Variants in CENPP observed in about 807,000 individuals in gnomAD.
CENPP encodes the protein centromere protein P.
Under a neutral mutation model 35.6 loss-of-function variants are expected in CENPP, and 24 were observed. The observed-to-expected ratio is 0.67, with a 90% CI of 0.49 to 0.95. The LOEUF is 0.95. Ranked by LOEUF, CENPP falls within the 40% of genes least tolerant of loss-of-function variation. CENPP has a pLI of 0.00. For missense variants in CENPP, 332 were observed against 345.3 expected (o/e 0.96, Z 0.31); for synonymous variants, 120 against 125.5 (o/e 0.96, Z 0.29).
intron 5 of CENPP, among the ~76,000 whole-genome samples, chr9:92,392,390 G>A (rs796494765): frequency 5.3e-5 from 8 of 152,224 alleles, no homozygotes; most frequent in African/African-American, 1.9e-4. Flanking sequence ...TTGGGAGGCC[G>A]AGGCGGGCGG....
intron 5 of CENPP, among the ~76,000 whole-genome samples, chr9:92,577,502 A>G (rs1850312952): frequency 6.6e-6 from 1 of 152,252 alleles, no homozygotes; most frequent in South Asian, 2.1e-4. Context: ...TGAATCTCCC[A>G]AACAAAATAC....
At chr9:92,434,767 A>T (rs1031530814) in intron 5 of CENPP, among the ~76,000 whole-genome samples, 4 of 151,980 alleles carry the variant, frequency 2.6e-5, no homozygotes, top group Non-Finnish European at 4.4e-5. Context: ...TCTGGGCAAG[A>T]TGGGGTGGCT....
intron 4 of CENPP, among the ~76,000 whole-genome samples, chr9:92,365,060 G>A (rs543687395): frequency 4.1e-4 from 62 of 152,264 alleles, no homozygotes; most frequent in African/African-American, 1.1e-3. Flanking sequence ...AAGCATTGTC[G>A]TTGTGCTTAA....
At chr9:92,344,551 A>ATTC (rs1206341137) in intron 3 of CENPP, among the ~76,000 whole-genome samples, 17 of 151,686 alleles carry the variant, frequency 1.1e-4, no homozygotes, top group African/African-American at 4.1e-4. Context: ...TATTATTATT[A>ATTC]TTGTTATTCT....
intron 5 of CENPP, among the ~76,000 whole-genome samples, chr9:92,442,241 T>TA (rs944742727): frequency 2.0e-5 from 3 of 150,930 alleles, no homozygotes; most frequent in African/African-American, 7.3e-5. Context: ...CTACTAAAAA[T>TA]AAAAAAATTA....
chr9:92,469,343 G>C (rs1845426262), intron 5 of CENPP, among the ~76,000 whole-genome samples: 1 of 152,198 alleles, frequency 6.6e-6, no homozygotes, highest in South Asian at 2.1e-4. Context: ...GGCAGTGTGA[G>C]AGCTGGATTT....
intron 5 of CENPP, among the ~76,000 whole-genome samples, chr9:92,431,366 C>T (rs951841793): frequency 6.6e-6 from 1 of 152,086 alleles, no homozygotes; most frequent in Non-Finnish European, 1.5e-5. Flanking sequence ...GATAAGGGTA[C>T]GTTTGTTTAG....
intron 5 of CENPP, among the ~76,000 whole-genome samples, chr9:92,560,067 C>G (rs1849814387): frequency 6.6e-6 from 1 of 152,046 alleles, no homozygotes; most frequent in Non-Finnish European, 1.5e-5. Context: ...TCACTTGAGC[C>G]CAGGAGTTCA....
chr9:92,477,378 G>T (rs1564343689), intron 5 of CENPP, among the ~76,000 whole-genome samples: 1 of 152,146 alleles, frequency 6.6e-6, no homozygotes, highest in Non-Finnish European at 1.5e-5. Flanking sequence ...TTAGTGCCCA[G>T]CTTTGCCTCA....
intron 5 of CENPP, among the ~76,000 whole-genome samples, chr9:92,452,492 T>A (rs946414079): frequency 6.6e-6 from 1 of 152,230 alleles, no homozygotes; most frequent in Admixed American, 6.5e-5. Context: ...GCTGCTGGAT[T>A]CGGTTTGCCA....
At chr9:92,575,811 CA>C (rs551881118) in intron 5 of CENPP, among the ~76,000 whole-genome samples, 40 of 137,700 alleles carry the variant, frequency 2.9e-4, no homozygotes, top group Admixed American at 2.9e-4. Flanking sequence ...GACTCCATTT[CA>C]AAAAAAAAAA....
rs138631718 is a variant in CENPP, at chr9:92,611,379, C to A, written c.630C>A (p.Ser210Arg). ...GPSSCSMGIRSASRPGFELVI... is the reference protein window; with the variant it reads ...GPSSCSMGIRRASRPGFELVI... Reference sequence around the variant, plus strand: ...CCTCCTGCTCCATGGGGATCCGCAGCGCCAGCCGGCCAGGGTGAGCCTGCA... The same window carrying A: ...CCTCCTGCTCCATGGGGATCCGCAGAGCCAGCCGGCCAGGGTGAGCCTGCA... Residue 210 changes from serine to arginine, a missense_variant, in exon 6 of 8, where the codon AGC (serine) becomes AGA (arginine). Transcript: ENST00000375587. 281 of 1,612,918 alleles carry A rather than the reference C, an allele frequency of 1.7e-4. No individual in the cohort carries two copies. Among genetic ancestry groups the A allele is most frequent in the Non-Finnish European group, 2.3e-4 (272 of 1,179,906 alleles).
intron 5 of CENPP, among the ~76,000 whole-genome samples, chr9:92,459,395 G>C (rs975018169): frequency 1.3e-5 from 2 of 152,234 alleles, no homozygotes; most frequent in Non-Finnish European, 2.9e-5. Context: ...GTCCTCAGCA[G>C]TTTCAACAGG....
At chr9:92,433,191 C>T (rs1844162165) in intron 5 of CENPP, among the ~76,000 whole-genome samples, 1 of 152,188 alleles carries the variant, frequency 6.6e-6, no homozygotes, top group African/African-American at 2.4e-5. Flanking sequence ...TGGCAAGGGA[C>T]TTCTTGCTGG....
intron 5 of CENPP, among the ~76,000 whole-genome samples, chr9:92,537,165 C>T (rs561601470): frequency 6.6e-6 from 1 of 151,708 alleles, no homozygotes; most frequent in Non-Finnish European, 1.5e-5. Context: ...CATGAGCCAC[C>T]GCACCTGGCC....
chr9:92,530,215 G>A (rs1001117046), intron 5 of CENPP, among the ~76,000 whole-genome samples: 8 of 152,150 alleles, frequency 5.3e-5, no homozygotes, highest in Admixed American at 2.0e-4. Flanking sequence ...GTGGGTACAT[G>A]TCATTAAAAA....
chr9:92,538,085 A>G (rs1849233006), intron 5 of CENPP, among the ~76,000 whole-genome samples: 1 of 152,188 alleles, frequency 6.6e-6, no homozygotes, highest in Admixed American at 6.5e-5. Context: ...TTTCACCTCT[A>G]GGAACCCATT....
intron 5 of CENPP, among the ~76,000 whole-genome samples, chr9:92,444,479 G>A (rs187804174): frequency 2.0e-3 from 302 of 151,720 alleles, no homozygotes; most frequent in African/African-American, 7.0e-3. Flanking sequence ...TCTTTTGATG[G>A]ACAAAACGTT....
intron 5 of CENPP, among the ~76,000 whole-genome samples, chr9:92,595,812 T>C (rs1192511290): frequency 6.6e-6 from 1 of 152,134 alleles, no homozygotes; most frequent in Non-Finnish European, 1.5e-5. Context: ...TCTGCCCACC[T>C]CGGCCTCCCA....
Sources: gnomAD v4.1 joint callset for allele counts (sites outside exome capture counted in the v4.1 genomes callset) on GRCh38, gnomAD v4.1.1 for gene constraint, MANE v1.5 for transcripts, NCBI Gene and HGNC (gene_info 2026-07-23, HGNC 2026-07-21) for gene names.